Variants in ZFAND3 observed in about 807,000 individuals in gnomAD.
ZFAND3 encodes the protein AN1-type zinc finger protein 3.
A neutral mutation model predicts 29.6 loss-of-function variants in ZFAND3; 10 were observed. The ratio of observed to expected loss-of-function variants is 0.34; its 90% CI spans 0.21 to 0.57. The LOEUF is 0.57. Among genes scored for constraint, ZFAND3 ranks in the 20% least tolerant of loss-of-function variants. ZFAND3 has a pLI of 0.86. For synonymous variants in ZFAND3, 128 were observed against 112.6 expected (o/e 1.14, Z -0.87); for missense variants, 230 against 304.5 (o/e 0.76, Z 1.82).
chr6:38,037,423 C>G (rs1763680031), intron 2 of ZFAND3, among the ~76,000 whole-genome samples: 1 of 152,122 alleles, frequency 6.6e-6, no homozygotes, highest in Non-Finnish European at 1.5e-5. Context: ...AGTATGACTG[C>G]TAATTTAACA....
chr6:38,133,610 C>T (rs969295347), intron 5 of ZFAND3, among the ~76,000 whole-genome samples: 2 of 151,890 alleles, frequency 1.3e-5, no homozygotes, highest in African/African-American at 2.4e-5. Flanking sequence ...ATTAGCCGGG[C>T]GTGGTGGCGG....
At position 38,153,435 on chromosome 6, in the gene ZFAND3, A is replaced by G. The variant is rs3800364; in HGVS notation, c.*1046A>G. ...TCCATTCTCGTTTCTATGCAGCCCC[A>G]TAGTCCAAGGACACCCAGTCCACAT... On this transcript the variant is annotated 3_prime_UTR_variant, in exon 6 of 6. Transcript: ENST00000287218. The G allele has an allele frequency of 0.088, 87,208 of 985,504 alleles. 4,229 individuals are homozygous for G. Among genetic ancestry groups the G allele is most frequent in the East Asian group, 0.3 (2,605 of 8,804 alleles). 61.0% of individuals were successfully genotyped at this position (985,504 alleles called of 1,614,324 possible). A position where few individuals can be genotyped will look rare whatever the true frequency, so the allele number is the denominator to read the frequency against.
chr6:37,827,543 A>G (rs1763782234), intron 1 of ZFAND3, among the ~76,000 whole-genome samples: 1 of 152,158 alleles, frequency 6.6e-6, no homozygotes, highest in South Asian at 2.1e-4. Context: ...TTTTCTGGTA[A>G]ATTCAGGTTA....
At chr6:37,840,082 T>G (rs1469538105) in intron 1 of ZFAND3, among the ~76,000 whole-genome samples, 1 of 152,174 alleles carries the variant, frequency 6.6e-6, no homozygotes, top group Non-Finnish European at 1.5e-5. Flanking sequence ...AGCTCTTATT[T>G]TACATTTAAG....
At chr6:37,868,135 T>C (rs1165196303) in intron 1 of ZFAND3, among the ~76,000 whole-genome samples, 1 of 152,262 alleles carries the variant, frequency 6.6e-6, no homozygotes, top group Non-Finnish European at 1.5e-5. Context: ...AGTTTTTTCC[T>C]TCATAAATGT....
At chr6:37,865,018 A>G (rs1764563611) in intron 1 of ZFAND3, among the ~76,000 whole-genome samples, 1 of 152,158 alleles carries the variant, frequency 6.6e-6, no homozygotes, top group African/African-American at 2.4e-5. Flanking sequence ...TGTCTTTACT[A>G]AAACTACAAA....
rs1554171842 is a variant in ZFAND3 at position 38,072,156 on chromosome 6, C to CTCTG, written c.296-10233_296-10232insGTCT. ...TCTGTTTCTCTCTCTCTCTCTCTCT[C>CTCTG]TCTCTGTCTCTGTCTCTGTCTTCAG... is the stretch of plus-strand genomic sequence containing the variant. On this transcript the variant is annotated intron_variant, in intron 3 of 5. Transcript: ENST00000287218. Among the ~76,000 whole-genome samples the CTCTG allele has an allele frequency of 2.0e-4, 29 of 143,624 alleles. No homozygotes were observed. The East Asian group carries it at 2.5e-3, about 12-fold the overall frequency. 94.2% of individuals were successfully genotyped at this position (143,624 alleles called of 152,430 possible). A position where few individuals can be genotyped will look rare whatever the true frequency, so the allele number is the denominator to read the frequency against.
intron 2 of ZFAND3, among the ~76,000 whole-genome samples, chr6:38,016,449 A>G (rs1277206368): frequency 6.6e-6 from 1 of 152,210 alleles, no homozygotes; most frequent in Non-Finnish European, 1.5e-5. Flanking sequence ...TCCATGCCAG[A>G]ACTTAAGAGA....
chr6:37,944,174 TTTAA>T (rs1761859521), intron 2 of ZFAND3, among the ~76,000 whole-genome samples: 1 of 152,172 alleles, frequency 6.6e-6, no homozygotes, highest in Admixed American at 6.5e-5. Context: ...GATTATAATT[TTTAA>T]TTAAAATTTT....
intron 2 of ZFAND3, among the ~76,000 whole-genome samples, chr6:37,961,853 C>T (rs1357125392): frequency 6.6e-6 from 1 of 152,106 alleles, no homozygotes; most frequent in Admixed American, 6.5e-5. Flanking sequence ...ACACCTAAGT[C>T]CTTTAGAATA....
intron 1 of ZFAND3, among the ~76,000 whole-genome samples, chr6:37,828,246 A>T (rs1247800991): frequency 6.6e-6 from 1 of 152,206 alleles, no homozygotes; most frequent in African/African-American, 2.4e-5. Flanking sequence ...TTTATTTTTT[A>T]CAAGAAAGTA....
intron 1 of ZFAND3, among the ~76,000 whole-genome samples, chr6:37,865,240 T>A (rs1581719195): frequency 6.6e-6 from 1 of 152,234 alleles, no homozygotes; most frequent in Non-Finnish European, 1.5e-5. Context: ...TCCTGTACGC[T>A]TTAAATCATC....
chr6:37,909,255 C>T (rs997159857), intron 1 of ZFAND3, among the ~76,000 whole-genome samples: 1 of 150,888 alleles, frequency 6.6e-6, no homozygotes, highest in Admixed American at 6.6e-5. Flanking sequence ...CCTGACAAAA[C>T]GAGATTTTTT....
intron 5 of ZFAND3, among the ~76,000 whole-genome samples, chr6:38,144,456 T>A (rs956118406): frequency 6.6e-6 from 1 of 151,960 alleles, no homozygotes; most frequent in Non-Finnish European, 1.5e-5. Flanking sequence ...AGTCTCTGAT[T>A]TACCAAAGAA....
At chr6:37,916,713 C>G (rs115094025) in intron 1 of ZFAND3, among the ~76,000 whole-genome samples, 3,914 of 152,246 alleles carry the variant, frequency 0.026, 184 homozygotes, top group African/African-American at 0.088. Flanking sequence ...CTCCCTTTAT[C>G]CATGTTTTCA....
intron 1 of ZFAND3, among the ~76,000 whole-genome samples, chr6:37,907,055 T>TG (rs1486073843): frequency 1.3e-5 from 2 of 151,790 alleles, no homozygotes; most frequent in African/African-American, 2.4e-5. Flanking sequence ...TTTAATGTAT[T>TG]TTTTTTTGTA....
intron 4 of ZFAND3, among the ~76,000 whole-genome samples, chr6:38,106,941 A>G (rs1239142852): frequency 6.6e-6 from 1 of 152,156 alleles, no homozygotes; most frequent in Non-Finnish European, 1.5e-5. Flanking sequence ...ACTAAATGAA[A>G]TTGTGGTTAT....
chr6:38,027,163 T>C (rs932919967), intron 2 of ZFAND3, among the ~76,000 whole-genome samples: 3 of 152,248 alleles, frequency 2.0e-5, no homozygotes, highest in Non-Finnish European at 4.4e-5. Flanking sequence ...CAAACATGTT[T>C]GTCTCTCAAA....
Position 38,061,325 on chromosome 6 carries a change from A to G in ZFAND3, c.113-268A>G, listed in dbSNP as rs374383932. Among the ~76,000 whole-genome samples, 11 of 152,274 alleles carry G rather than the reference A, an allele frequency of 7.2e-5. No individual in the cohort carries two copies. In the East Asian group the frequency reaches 1.9e-3, roughly 27 times the overall value. ...TTCTGATTACCCTTAAATTTTTAACATGCGTCTTTGGCTTTGCACAGAATG... is the reference window on the plus strand; with the variant it reads ...TTCTGATTACCCTTAAATTTTTAACGTGCGTCTTTGGCTTTGCACAGAATG... On this transcript the variant is annotated intron_variant, in intron 2 of 5. Coordinates refer to ENST00000287218, the MANE Select transcript of ZFAND3 (RefSeq NM_021943.3).
Sources: gnomAD v4.1 joint callset for allele counts (sites outside exome capture counted in the v4.1 genomes callset) on GRCh38, gnomAD v4.1.1 for gene constraint, MANE v1.5 for transcripts, NCBI Gene and HGNC (gene_info 2026-07-23, HGNC 2026-07-21) for gene names.